The following UGT1A6 variants were observed in gnomAD, a reference collection of about 807,000 sequenced individuals.
UGT1A6 encodes the protein UDP-glucuronosyltransferase 1A6.
Under a neutral mutation model 44.4 loss-of-function variants are expected in UGT1A6, and 32 were observed. That is an observed-to-expected ratio of 0.72 (90% CI 0.54 to 0.97). The LOEUF is 0.97. UGT1A6 is among the 50% of genes least tolerant of loss of function. The pLI, the probability that UGT1A6 is intolerant of heterozygous loss-of-function variation, is 0.00. For missense variants in UGT1A6, 685 were observed against 661.9 expected, an observed-to-expected ratio of 1.03 and a Z score of -0.38; for synonymous variants, 238 against 248.5, an observed-to-expected ratio of 0.96 and a Z score of 0.40.
At chr2:233,735,635 G>T (rs1575610162) in intron 1 of UGT1A6, among the ~76,000 whole-genome samples, 2 of 152,280 alleles carry the variant, frequency 1.3e-5, no homozygotes, top group East Asian at 3.9e-4. Flanking sequence ...GCATGTTTTT[G>T]CAGTGGCTGG....
intron 1 of UGT1A6, among the ~76,000 whole-genome samples, chr2:233,708,162 G>A (rs372592365): frequency 6.6e-5 from 10 of 152,302 alleles, no homozygotes; most frequent in African/African-American, 2.4e-4. Flanking sequence ...GGAGTTGCCG[G>A]AAAATGGACT....
chr2:233,722,246 G>A (rs1029128389), intron 1 of UGT1A6, among the ~76,000 whole-genome samples: 1 of 152,176 alleles, frequency 6.6e-6, no homozygotes, highest in East Asian at 1.9e-4. Context: ...TATTATCTGT[G>A]ACAGACACGC....
intron 1 of UGT1A6, among the ~76,000 whole-genome samples, chr2:233,753,936 A>C (rs545743741): frequency 2.6e-5 from 4 of 152,192 alleles, no homozygotes; most frequent in Non-Finnish European, 5.9e-5. Flanking sequence ...ATGGGATTCA[A>C]ATGTATGACC....
chr2:233,755,387 G>A lies in UGT1A6; in HGVS notation c.862-11647G>A, dbSNP rs28900392. On this transcript the variant is annotated intron_variant, in intron 1 of 4. Transcript: ENST00000305139. Reference sequence around the variant, plus strand: ...CGCCTGGAGGGCCGCCCCTTATGACGCAGCCACATCTCATTGGCCGAGGCC... The same window carrying A: ...CGCCTGGAGGGCCGCCCCTTATGACACAGCCACATCTCATTGGCCGAGGCC... 908 of 345,012 alleles carry A rather than the reference G, an allele frequency of 2.6e-3. 4 individuals are homozygous for A. Among genetic ancestry groups the A allele is most frequent in the African/African-American group, 0.018 (852 of 46,552 alleles). The allele number at this position is 345,012 out of a possible 1,614,324, so 21.4% of individuals were successfully genotyped here.
intron 1 of UGT1A6, among the ~76,000 whole-genome samples, chr2:233,762,298 G>A (rs1261319801): frequency 6.6e-6 from 1 of 152,140 alleles, no homozygotes; most frequent in Non-Finnish European, 1.5e-5. Flanking sequence ...TGCCAACCGA[G>A]GTCTAGTTAA....
intron 3 of UGT1A6, 107 bp from the exon 4 acceptor site, chr2:233,768,113 G>A (rs1271698331): frequency 1.3e-6 from 2 of 1,597,544 alleles, no homozygotes; most frequent in African/African-American, 2.7e-5. Context: ...TTTCTGCAAG[G>A]GCATGTGAGT....
chr2:233,767,170 G>A lies in UGT1A6; in HGVS notation c.993+5G>A. 1.2e-6 allele frequency: 2 copies of A among 1,614,090 alleles called. No homozygotes were observed. Among genetic ancestry groups the A allele is most frequent in the South Asian group, 1.1e-5 (1 of 91,068 alleles). ...TTGGGCAAAATCCCTCAGACAGTAA[G>A]AAGATTCTATACCATGGCCTCATAT... is the stretch of plus-strand genomic sequence containing the variant. On this transcript the variant is annotated splice_donor_5th_base_variant and intron_variant, in intron 2 of 4. Transcript: ENST00000305139.
intron 1 of UGT1A6, among the ~76,000 whole-genome samples, chr2:233,754,013 A>G (rs1002247904): frequency 2.0e-5 from 3 of 152,240 alleles, no homozygotes; most frequent in African/African-American, 7.2e-5. Flanking sequence ...TGTTACAGCC[A>G]TGATAGGAAA....
chr2:233,765,074 T>C (rs1191317330), intron 1 of UGT1A6, among the ~76,000 whole-genome samples: 1 of 152,100 alleles, frequency 6.6e-6, no homozygotes, highest in African/African-American at 2.4e-5. Context: ...GTCTCCTGTG[T>C]CTCACATCTA....
intron 1 of UGT1A6, among the ~76,000 whole-genome samples, chr2:233,702,022 CA>C (rs999993314): frequency 8.6e-5 from 13 of 150,360 alleles, no homozygotes; most frequent in Admixed American, 3.3e-4. Context: ...AATAGAGACA[CA>C]AAAAAAAACC....
rs114514275 is a variant in UGT1A6 at position 233,742,148 on chromosome 2, C to T, written c.862-24886C>T. On this transcript the variant is annotated intron_variant, in intron 1 of 4. Transcript: ENST00000305139. ...GAGACCCTAACCCAGCAGCGCTAGA[C>T]GAATTAAAGACACACACACAGAAAT... 2.7e-3 allele frequency among the ~76,000 whole-genome samples: 409 copies of T among 151,916 alleles called. 4 individuals carry two copies. Among genetic ancestry groups the T allele is most frequent in the Middle Eastern group, 6.8e-3 (2 of 294 alleles).
Position 233,767,146 on chromosome 2 carries a change from T to C in UGT1A6, c.974T>C (p.Leu325Ser), listed in dbSNP as rs372326047. ...EKKAMAIADA[L>S]GKIPQTVLWR... The stretch of plus-strand genomic sequence containing the variant: ...AAAGCTATGGCAATTGCTGATGCTT[T>C]GGGCAAAATCCCTCAGACAGTAAGA... Residue 325 changes from leucine (L) to serine (S), a missense_variant, in exon 2 of 5, where the codon TTG (leucine) becomes TCG (serine). Transcript: ENST00000305139. 1 of 1,614,014 alleles carries C rather than the reference T, an allele frequency of 6.2e-7. No individual in the cohort carries two copies. Among genetic ancestry groups the C allele is most frequent in the Admixed American group, 1.7e-5 (1 of 60,006 alleles).
chr2:233,719,487 A>C lies in UGT1A6; in HGVS notation c.861+25622A>C, dbSNP rs138822211. The C allele has an allele frequency of 3.9e-4, 633 of 1,613,068 alleles. 2 individuals are homozygous for C. Among genetic ancestry groups the C allele is most frequent in the African/African-American group, 3.8e-3 (282 of 75,012 alleles). ...GCTCTACCCTCTGGCCCTGTCCTAC[A>C]TTTGCCATACTTTTTCTGCCCCTTA... On this transcript the variant is annotated intron_variant, in intron 1 of 4. Coordinates refer to ENST00000305139, the MANE Select transcript of UGT1A6 (RefSeq NM_001072.4).
chr2:233,759,375 T>C (rs1697120269), intron 1 of UGT1A6, among the ~76,000 whole-genome samples: 2 of 152,058 alleles, frequency 1.3e-5, no homozygotes, highest in Admixed American at 1.3e-4. Flanking sequence ...AGGTACAGGT[T>C]TTCAGGATAC....
rs572292446 is a variant in UGT1A6, at chr2:233,711,883, C to T, written c.861+18018C>T. On this transcript the variant is annotated intron_variant, in intron 1 of 4. Transcript: ENST00000305139. ...GTATGAGTGACTTTCTGGAGCAGGA[C>T]GAGTCTCATGGGCGTGAGACCATTG... is the stretch of plus-strand genomic sequence containing the variant. Among the ~76,000 whole-genome samples the T allele has an allele frequency of 3.3e-5, 5 of 152,278 alleles. No homozygotes were observed. In the South Asian group the frequency reaches 8.3e-4, roughly 25 times the overall value.
At chr2:233,763,063 T>C (rs1220667382) in intron 1 of UGT1A6, among the ~76,000 whole-genome samples, 1 of 152,230 alleles carries the variant, frequency 6.6e-6, no homozygotes, top group Admixed American at 6.5e-5. Flanking sequence ...TTTAGATAAT[T>C]TCCTTCTTTG....
chr2:233,772,427 C>T lies in UGT1A6; in HGVS notation c.1467C>T (p.Asp489=), dbSNP rs114123636. ...CCTGGTACCAGTACCATTCCTTGGA[C>T]GTGATTGGTTTCCTCTTGGCCGTCG... ...DLTWYQYHSL[D]VIGFLLAVVL... is the part of the protein sequence containing the mutation. The change falls in exon 5 of 5, where the codon GAC becomes GAT. Residue 489 remains aspartate, a synonymous_variant. Coordinates refer to ENST00000305139, the MANE Select transcript of UGT1A6 (RefSeq NM_001072.4). The T allele has an allele frequency of 1.1e-4, 177 of 1,614,220 alleles. No homozygotes were observed. The highest frequency in any genetic ancestry group is 8.7e-4 in the East Asian group (39 of 44,876).
rs144483920 is a variant in UGT1A6 at position 233,744,779 on chromosome 2, C to T, written c.862-22255C>T. On this transcript the variant is annotated intron_variant, in intron 1 of 4. Transcript: ENST00000305139. ...ATAGTTTTAACTTTGCAAAATTCTCCTGAAAAATTCTTGGGGATCCCTAGG... is the reference window on the plus strand; with the variant it reads ...ATAGTTTTAACTTTGCAAAATTCTCTTGAAAAATTCTTGGGGATCCCTAGG... Among the ~76,000 whole-genome samples, 38 of 151,988 alleles carry T rather than the reference C, an allele frequency of 2.5e-4. 2 individuals are homozygous for T. In the East Asian group the frequency reaches 6.6e-3, roughly 26 times the overall value.
intron 1 of UGT1A6, among the ~76,000 whole-genome samples, chr2:233,731,354 T>C (rs910917478): frequency 6.6e-5 from 10 of 151,866 alleles, no homozygotes; most frequent in African/African-American, 2.4e-4. Context: ...GATACATAGG[T>C]ATACATGTGC....
Sources: allele counts gnomAD v4.1 joint callset (sites outside exome capture counted in the v4.1 genomes callset), GRCh38; gene constraint gnomAD v4.1.1; transcripts MANE v1.5; gene names NCBI Gene and HGNC (gene_info 2026-07-23, HGNC 2026-07-21).